Variants in DLGAP2 observed in about 807,000 individuals in gnomAD.
DLGAP2 encodes DLG associated protein 2, also known as disks large-associated protein 2.
In DLGAP2, 26 loss-of-function variants were observed where a neutral mutation model predicts 100.3. The observed-to-expected ratio is 0.26, with a 90% CI of 0.19 to 0.36. The LOEUF (loss-of-function observed/expected upper bound fraction) is 0.36. Among genes scored for constraint, DLGAP2 ranks in the 10% least tolerant of loss-of-function variants. DLGAP2 has a pLI of 1.00. For synonymous variants in DLGAP2, 886 were observed against 630.1 expected, an observed-to-expected ratio of 1.41 and a Z score of -6.08; for missense variants, 1,858 against 1,453.2, an observed-to-expected ratio of 1.28 and a Z score of -4.53.
At chr8:984,058 C>T (rs1800417858) in intron 2 of DLGAP2, among the ~76,000 whole-genome samples, 1 of 152,154 alleles carries the variant, frequency 6.6e-6, no homozygotes, top group Non-Finnish European at 1.5e-5. Context: ...GGTCACTCCT[C>T]CCGGTGTCTC....
chr8:1,652,159 A>G (rs1009938764), intron 8 of DLGAP2, among the ~76,000 whole-genome samples: 3 of 152,364 alleles, frequency 2.0e-5, no homozygotes, highest in Non-Finnish European at 2.9e-5. Context: ...GAACTATTAC[A>G]TTAGACCCTT....
At chr8:1,157,560 T>C (rs1796814823) in intron 2 of DLGAP2, among the ~76,000 whole-genome samples, 2 of 152,340 alleles carry the variant, frequency 1.3e-5, no homozygotes, top group African/African-American at 4.8e-5. Flanking sequence ...CTGTGCTCTG[T>C]GTCCCGGCTC....
chr8:1,609,110 GA>G (rs1213437224), intron 6 of DLGAP2, among the ~76,000 whole-genome samples: 1 of 128,756 alleles, frequency 7.8e-6, no homozygotes, highest in Non-Finnish European at 1.7e-5. Flanking sequence ...AAATGGAAAT[GA>G]AGGAAAAAAT....
chr8:1,655,026 A>G (rs1296194911), intron 8 of DLGAP2, among the ~76,000 whole-genome samples: 2 of 152,254 alleles, frequency 1.3e-5, no homozygotes, highest in Non-Finnish European at 2.9e-5. Context: ...AGCTGACATC[A>G]CTTCATTTTA....
chr8:1,428,629 T>C (rs569976088), intron 3 of DLGAP2, among the ~76,000 whole-genome samples: 1 of 152,366 alleles, frequency 6.6e-6, no homozygotes, highest in East Asian at 1.9e-4. Context: ...AGTATGCCTA[T>C]GTATACCTAA....
At chr8:1,166,943 A>C (rs529558711) in intron 2 of DLGAP2, among the ~76,000 whole-genome samples, 1 of 152,280 alleles carries the variant, frequency 6.6e-6, no homozygotes, top group East Asian at 1.9e-4. Flanking sequence ...CCAGGAGTTC[A>C]GGATCAGCCT....
At chr8:1,598,569 G>C (rs1418842719) in intron 6 of DLGAP2, among the ~76,000 whole-genome samples, 2 of 152,046 alleles carry the variant, frequency 1.3e-5, no homozygotes, top group East Asian at 3.9e-4. Flanking sequence ...TCAGGGATTT[G>C]ACTTATTCCT....
chr8:950,194 T>G (rs1057074984), intron 2 of DLGAP2, among the ~76,000 whole-genome samples: 3 of 152,184 alleles, frequency 2.0e-5, no homozygotes, highest in Non-Finnish European at 4.4e-5. Context: ...CATGCCCGGC[T>G]GAAGTTAATT....
intron 2 of DLGAP2, among the ~76,000 whole-genome samples, chr8:1,156,133 C>T (rs2129052090): frequency 6.6e-6 from 1 of 152,272 alleles, no homozygotes; most frequent in South Asian, 2.1e-4. Context: ...GCAGGGGCTT[C>T]CCTAGGAGCC....
intron 5 of DLGAP2, among the ~76,000 whole-genome samples, chr8:1,551,519 T>G (rs1237633771): frequency 6.6e-6 from 1 of 152,146 alleles, no homozygotes; most frequent in Non-Finnish European, 1.5e-5. Flanking sequence ...CCAAGGAGCT[T>G]CTTCCACCCA....
intron 2 of DLGAP2, among the ~76,000 whole-genome samples, chr8:1,242,248 G>A (rs951493009): frequency 6.6e-6 from 1 of 152,216 alleles, no homozygotes; most frequent in African/African-American, 2.4e-5. Flanking sequence ...GTTTGTGGAA[G>A]AGGGGAGGTC....
intron 2 of DLGAP2, among the ~76,000 whole-genome samples, chr8:1,058,185 T>C (rs1435708649): frequency 9.2e-5 from 14 of 152,054 alleles, no homozygotes; most frequent in Admixed American, 8.5e-4. Flanking sequence ...CCGGATTGAC[T>C]AGCGGCGGGT....
At chr8:1,640,776 C>G (rs73543274) in intron 8 of DLGAP2, among the ~76,000 whole-genome samples, 9,924 of 152,222 alleles carry the variant, frequency 0.065, 902 homozygotes, top group African/African-American at 0.2. Context: ...GGCCCGCCCC[C>G]CCGCATCTAG....
At chr8:1,371,152 G>A (rs1802228036) in intron 3 of DLGAP2, among the ~76,000 whole-genome samples, 1 of 152,228 alleles carries the variant, frequency 6.6e-6, no homozygotes, top group South Asian at 2.1e-4. Flanking sequence ...TCGAGGAAGA[G>A]AGTAAGACAC....
At chr8:1,165,017 G>A (rs1300368295) in intron 2 of DLGAP2, among the ~76,000 whole-genome samples, 1 of 152,108 alleles carries the variant, frequency 6.6e-6, no homozygotes, top group Non-Finnish European at 1.5e-5. Flanking sequence ...GTTCAGGGAT[G>A]GGGTTGGGTG....
chr8:1,549,831 TC>T, intron 5 of DLGAP2, 148 bp downstream of exon 5: 3 of 963,552 alleles, frequency 3.1e-6, no homozygotes, highest in Non-Finnish European at 4.5e-6. Flanking sequence ...CTGGGACAGC[TC>T]CACTGAGCTG....
Position 963,891 on chromosome 8 carries a change from C to T in DLGAP2, c.73+55925C>T, listed in dbSNP as rs149056169. On this transcript the variant is annotated intron_variant, in intron 2 of 14. Coordinates refer to ENST00000637795, the MANE Select transcript of DLGAP2 (RefSeq NM_001346810.2). ...TGTGCAATTAATACAAGTGTAAAGC[C>T]AAGTCCAGGTGGCTTGCAGCATTGC... 3.7e-3 allele frequency among the ~76,000 whole-genome samples: 556 copies of T among 152,266 alleles called. 1 individual carries two copies. The highest frequency in any genetic ancestry group is 5.6e-3 in the Non-Finnish European group (382 of 68,016).
intron 2 of DLGAP2, among the ~76,000 whole-genome samples, chr8:1,252,386 G>C (rs1335734906): frequency 6.7e-6 from 1 of 149,716 alleles, no homozygotes; most frequent in Middle Eastern, 3.4e-3. Flanking sequence ...TTGTCACATG[G>C]GTGTGTTGTG....
At chr8:1,389,787 G>T (rs1407197870) in intron 3 of DLGAP2, among the ~76,000 whole-genome samples, 4 of 152,170 alleles carry the variant, frequency 2.6e-5, no homozygotes, top group South Asian at 2.1e-4. Flanking sequence ...CCCGGGCGGA[G>T]ACCCAGAGCG....
Sources: gnomAD v4.1 joint callset for allele counts (sites outside exome capture counted in the v4.1 genomes callset) on GRCh38, gnomAD v4.1.1 for gene constraint, MANE v1.5 for transcripts, NCBI Gene and HGNC (gene_info 2026-07-23, HGNC 2026-07-21) for gene names.